Variants in EEA1 observed in about 807,000 individuals in gnomAD.
EEA1 encodes early endosome antigen 1, 162kD.
In EEA1, 111 loss-of-function variants were observed where a neutral mutation model predicts 209.2. That is an observed-to-expected ratio of 0.53 (90% CI 0.45 to 0.62). The LOEUF is 0.62. EEA1 is among the 20% of genes least tolerant of loss of function. EEA1 has a pLI of 0.00. For synonymous variants in EEA1, 536 were observed against 540.6 expected, an observed-to-expected ratio of 0.99 and a Z score of 0.12; for missense variants, 1,343 against 1,530.8, an observed-to-expected ratio of 0.88 and a Z score of 2.05.
At chr12:92,894,374 C>T (rs1879779586) in intron 1 of EEA1, among the ~76,000 whole-genome samples, 1 of 152,108 alleles carries the variant, frequency 6.6e-6, no homozygotes, top group South Asian at 2.1e-4. Flanking sequence ...CACTTTAAAT[C>T]AAAAGCTAGA....
intron 9 of EEA1, among the ~76,000 whole-genome samples, chr12:92,843,464 T>A (rs1877259685): frequency 6.6e-6 from 1 of 152,160 alleles, no homozygotes; most frequent in Non-Finnish European, 1.5e-5. Context: ...TTTAATATTT[T>A]AAAAAATGTG....
At chr12:92,817,329 TG>T (rs1223136725) in intron 14 of EEA1, among the ~76,000 whole-genome samples, 2 of 152,046 alleles carry the variant, frequency 1.3e-5, no homozygotes, top group African/African-American at 4.8e-5. Context: ...ACGTTATTTT[TG>T]TTTTATCTCT....
intron 5 of EEA1, among the ~76,000 whole-genome samples, chr12:92,855,308 T>G (rs1877823743): frequency 6.6e-6 from 1 of 152,190 alleles, no homozygotes; most frequent in South Asian, 2.1e-4. Context: ...GACGTGCCTG[T>G]AGTCCCAGCT....
At chr12:92,883,206 G>A (rs887401278) in intron 2 of EEA1, among the ~76,000 whole-genome samples, 4 of 152,168 alleles carry the variant, frequency 2.6e-5, no homozygotes, top group Non-Finnish European at 4.4e-5. Flanking sequence ...CCATTTGTAT[G>A]TCTTCTGAGA....
At chr12:92,862,233 C>CTA (rs57861361) in intron 3 of EEA1, among the ~76,000 whole-genome samples, 145,845 of 152,198 alleles carry the variant, frequency 0.96, 69,928 homozygotes, top group East Asian at 1. Context: ...CATGCAGTAA[C>CTA]TTCCGTAAGC....
At chr12:92,795,216 C>T (rs1003707048) in intron 21 of EEA1, among the ~76,000 whole-genome samples, 2 of 152,166 alleles carry the variant, frequency 1.3e-5, no homozygotes, top group African/African-American at 4.8e-5. Context: ...TCTCATGTTA[C>T]CTTCTCCCTC....
chr12:92,914,663 C>A lies in EEA1; in HGVS notation c.24+14380G>T, dbSNP rs145815373. Among the ~76,000 whole-genome samples, 484 of 150,524 alleles carry A rather than the reference C, an allele frequency of 3.2e-3. 1 individual carries two copies. Among genetic ancestry groups the A allele is most frequent in the Non-Finnish European group, 4.9e-3 (334 of 67,694 alleles). ...GCAACATAACAAGACCTTGTCTCTACAATTTTTTTTTTTTTTTTGAGAAGG... is the reference window on the plus strand; with the variant it reads ...GCAACATAACAAGACCTTGTCTCTAAAATTTTTTTTTTTTTTTTGAGAAGG... On this transcript the variant is annotated intron_variant, in intron 1 of 28. Coordinates refer to ENST00000322349, the MANE Select transcript of EEA1 (RefSeq NM_003566.4).
chr12:92,926,611 G>A (rs1239089678), intron 1 of EEA1, among the ~76,000 whole-genome samples: 1 of 152,128 alleles, frequency 6.6e-6, no homozygotes, highest in Non-Finnish European at 1.5e-5. Flanking sequence ...CTCCTTCAAA[G>A]GGACTCTTAC....
chr12:92,921,969 T>C (rs1045617760), intron 1 of EEA1, among the ~76,000 whole-genome samples: 1 of 152,040 alleles, frequency 6.6e-6, no homozygotes, highest in Non-Finnish European at 1.5e-5. Context: ...ATAATTTCCA[T>C]GTAGTCTGTA....
At chr12:92,888,383 A>G (rs1879501646) in intron 2 of EEA1, among the ~76,000 whole-genome samples, 1 of 152,140 alleles carries the variant, frequency 6.6e-6, no homozygotes, top group South Asian at 2.1e-4. Context: ...GATCAAGACC[A>G]TCCTGGCTAA....
Position 92,827,664 on chromosome 12 carries a change from AC to A in EEA1, c.1404+247del, listed in dbSNP as rs74330699. On this transcript the variant is annotated intron_variant, in intron 12 of 28. Transcript: ENST00000322349. ...AAGACTCTAGCAGCCTGATGGGTTC[AC>A]CCCCAGAATTTTTCCTGCCTAAACC... Among the ~76,000 whole-genome samples, 5 of 152,250 alleles carry A rather than the reference AC, an allele frequency of 3.3e-5. No homozygotes were observed. In the East Asian group the frequency reaches 7.7e-4, roughly 24 times the overall value.
chr12:92,856,421 C>G (rs1877881839), intron 5 of EEA1, among the ~76,000 whole-genome samples: 1 of 152,074 alleles, frequency 6.6e-6, no homozygotes, highest in Non-Finnish European at 1.5e-5. Context: ...TTCTGTTTTT[C>G]TCTATGTATT....
intron 3 of EEA1, among the ~76,000 whole-genome samples, chr12:92,861,219 G>A (rs1878130321): frequency 6.6e-6 from 1 of 152,204 alleles, no homozygotes; most frequent in Non-Finnish European, 1.5e-5. Context: ...ACTTTGGAAG[G>A]CCGAGGCGGG....
At chr12:92,923,342 C>T (rs963866680) in intron 1 of EEA1, among the ~76,000 whole-genome samples, 1 of 151,968 alleles carries the variant, frequency 6.6e-6, no homozygotes, top group Non-Finnish European at 1.5e-5. Context: ...AGCGAGACTC[C>T]GTCTCAAAAC....
chr12:92,892,957 A>G, intron 1 of EEA1, among the ~76,000 whole-genome samples: 1 of 152,190 alleles, frequency 6.6e-6, no homozygotes, highest in African/African-American at 2.4e-5. Flanking sequence ...TACACAAACT[A>G]AAACTACAGT....
At chr12:92,888,758 C>T (rs943756164) in intron 2 of EEA1, among the ~76,000 whole-genome samples, 1 of 151,932 alleles carries the variant, frequency 6.6e-6, no homozygotes, top group Admixed American at 6.6e-5. Flanking sequence ...TAATGAACCA[C>T]AATATAAGTT....
intron 10 of EEA1, among the ~76,000 whole-genome samples, chr12:92,835,707 G>A (rs188781796): frequency 1.5e-4 from 23 of 151,984 alleles, no homozygotes; most frequent in African/African-American, 3.1e-4. Context: ...CACCGCGCCC[G>A]GCTGATAGTT....
At position 92,776,848 on chromosome 12, in the gene EEA1, C is replaced by T; in HGVS notation, c.4109G>A (p.Arg1370Lys). Residue 1370 changes from arginine to lysine, a missense_variant, in exon 28 of 29, where the codon AGA (arginine) becomes AAA (lysine). By Grantham distance (26) the Arg-to-Lys change is conservative (BLOSUM62 2). Transcript: ENST00000322349. ...TACATGAACAAAATTATTTACCCGTCTCACTGTTACTGAAAAGCCTTTCCC... is the reference window on the plus strand; with the variant it reads ...TACATGAACAAAATTATTTACCCGTTTCACTGTTACTGAAAAGCCTTTCCC... ...ACGKGFSVTV[R>K]RHHCRQCGNI... is the part of the protein sequence containing the mutation. The T allele has an allele frequency of 6.2e-7, 1 of 1,611,014 alleles. No individual in the cohort carries two copies. The highest frequency in any genetic ancestry group is 8.5e-7 in the Non-Finnish European group (1 of 1,177,840).
At chr12:92,899,878 C>T (rs1012624831) in intron 1 of EEA1, among the ~76,000 whole-genome samples, 1 of 152,160 alleles carries the variant, frequency 6.6e-6, no homozygotes, top group South Asian at 2.1e-4. Flanking sequence ...AAACCTCAGC[C>T]ACATGACTCT....
Sources: gnomAD v4.1 joint callset for allele counts (sites outside exome capture counted in the v4.1 genomes callset) on GRCh38, gnomAD v4.1.1 for gene constraint, MANE v1.5 for transcripts, NCBI Gene and HGNC (gene_info 2026-07-23, HGNC 2026-07-21) for gene names.